The following ANO3 variants were observed in gnomAD, a reference collection of about 807,000 sequenced individuals.
ANO3 encodes anoctamin 3.
A neutral mutation model predicts 144.8 loss-of-function variants in ANO3; 99 were observed. That is an observed-to-expected ratio of 0.68 (90% confidence interval 0.58 to 0.81). The LOEUF is 0.81. Among genes scored for constraint, ANO3 ranks in the 30% least tolerant of loss-of-function variants. The probability of loss-of-function intolerance (pLI) is 0.00; values close to 1 mark genes in which losing one functional copy is unlikely to be tolerated. For missense variants in ANO3, 905 were observed against 1,202.2 expected, an observed-to-expected ratio of 0.75 and a Z score of 3.66; for synonymous variants, 414 against 392.6, an observed-to-expected ratio of 1.05 and a Z score of -0.64.
At chr11:26,568,558 TAA>T (rs959544378) in intron 14 of ANO3, among the ~76,000 whole-genome samples, 1 of 151,952 alleles carries the variant, frequency 6.6e-6, no homozygotes, top group Non-Finnish European at 1.5e-5. Context: ...ACTGATAATA[TAA>T]GTCTTTCTAT....
At chr11:26,462,349 G>T (rs1405190278) in intron 3 of ANO3, among the ~76,000 whole-genome samples, 2 of 151,682 alleles carry the variant, frequency 1.3e-5, no homozygotes, top group Non-Finnish European at 2.9e-5. Context: ...AAGAATTCTT[G>T]GTCATATAGA....
chr11:26,620,096 C>T (rs1294467017), intron 17 of ANO3, among the ~76,000 whole-genome samples: 2 of 152,170 alleles, frequency 1.3e-5, no homozygotes, highest in East Asian at 3.9e-4. Flanking sequence ...CCTAGGCCTA[C>T]CATTTTTCTT....
chr11:26,645,859 A>C (rs145865932), intron 23 of ANO3, among the ~76,000 whole-genome samples: 12 of 152,316 alleles, frequency 7.9e-5, no homozygotes, highest in African/African-American at 1.9e-4. Context: ...CAGAACCTAA[A>C]ATTAAATAAA....
intron 7 of ANO3, among the ~76,000 whole-genome samples, chr11:26,530,429 C>G (rs1044255583): frequency 2.0e-5 from 3 of 150,886 alleles, no homozygotes; most frequent in Non-Finnish European, 2.9e-5. Context: ...TAAAAAAAAG[C>G]AGGGATTAAT....
intron 23 of ANO3, among the ~76,000 whole-genome samples, chr11:26,644,702 A>T (rs1208355292): frequency 6.6e-6 from 1 of 152,080 alleles, no homozygotes; most frequent in East Asian, 1.9e-4. Flanking sequence ...TCTAACCGTG[A>T]GATTAAGTAT....
chr11:26,561,411 T>A (rs2134249747), intron 14 of ANO3, among the ~76,000 whole-genome samples: 1 of 152,146 alleles, frequency 6.6e-6, no homozygotes, highest in East Asian at 1.9e-4. Flanking sequence ...TTTATAAGAC[T>A]AAGAGTACAG....
intron 1 of ANO3, among the ~76,000 whole-genome samples, chr11:26,198,826 A>G (rs1851637628): frequency 6.6e-6 from 1 of 152,198 alleles, no homozygotes; most frequent in Non-Finnish European, 1.5e-5. Flanking sequence ...TTACTGGCTT[A>G]TCGTTGAGCC....
At chr11:26,483,737 G>T (rs533676510) in intron 4 of ANO3, among the ~76,000 whole-genome samples, 1 of 152,304 alleles carries the variant, frequency 6.6e-6, no homozygotes, top group Admixed American at 6.5e-5. Flanking sequence ...GTGGGGCATT[G>T]CTATAAATAT....
chr11:26,257,654 G>A (rs112283245), intron 1 of ANO3, among the ~76,000 whole-genome samples: 1,649 of 152,176 alleles, frequency 0.011, 30 homozygotes, highest in African/African-American at 0.038. Context: ...CTGATTGATA[G>A]ATCCCTCTCA....
At chr11:26,237,772 T>C (rs933244801) in intron 1 of ANO3, among the ~76,000 whole-genome samples, 1 of 152,118 alleles carries the variant, frequency 6.6e-6, no homozygotes, top group South Asian at 2.1e-4. Flanking sequence ...CCAAATTGTA[T>C]GTATCAAAAT....
intron 1 of ANO3, among the ~76,000 whole-genome samples, chr11:26,244,117 A>G (rs919829010): frequency 4.7e-5 from 5 of 107,410 alleles, no homozygotes; most frequent in Non-Finnish European, 9.4e-5. Flanking sequence ...ACTCTGTCTG[A>G]AAAAAAAAAA....
At chr11:26,216,604 A>G (rs1297713690) in intron 1 of ANO3, among the ~76,000 whole-genome samples, 1 of 152,040 alleles carries the variant, frequency 6.6e-6, no homozygotes, top group Non-Finnish European at 1.5e-5. Context: ...TTGTATGAAT[A>G]TAAGTTTAAA....
At chr11:26,612,158 G>A (rs940841833) in intron 17 of ANO3, among the ~76,000 whole-genome samples, 2 of 151,884 alleles carry the variant, frequency 1.3e-5, no homozygotes, top group Non-Finnish European at 2.9e-5. Context: ...ATGATTTCTT[G>A]GTTGTTTATA....
chr11:26,349,571 CAG>C (rs1436665553), intron 1 of ANO3, among the ~76,000 whole-genome samples: 1 of 151,960 alleles, frequency 6.6e-6, no homozygotes, highest in East Asian at 1.9e-4. Context: ...TTTTTTGAGA[CAG>C]AGTCTTGCTC....
At chr11:26,586,501 A>ATTTTTTTTTTTT (rs1281089936) in intron 14 of ANO3, among the ~76,000 whole-genome samples, 2 of 40,014 alleles carry the variant, frequency 5.0e-5, no homozygotes, top group African/African-American at 8.9e-5. Flanking sequence ...CCTGGTGAGA[A>ATTTTTTTTTTTT]TCTTTTTTTT....
chr11:26,366,637 C>G (rs1350291860), intron 1 of ANO3, among the ~76,000 whole-genome samples: 2 of 152,048 alleles, frequency 1.3e-5, no homozygotes, highest in Non-Finnish European at 2.9e-5. Flanking sequence ...TCTCCAGCAC[C>G]TGTTGTTTCC....
intron 4 of ANO3, among the ~76,000 whole-genome samples, chr11:26,507,512 A>T (rs957888330): frequency 6.6e-5 from 10 of 152,184 alleles, no homozygotes; most frequent in Non-Finnish European, 1.2e-4. Flanking sequence ...CCCAGAGCAA[A>T]CAACTTAGGG....
chr11:26,189,641 G>C (rs1851437693), intron 1 of ANO3, among the ~76,000 whole-genome samples: 1 of 152,104 alleles, frequency 6.6e-6, no homozygotes, highest in Admixed American at 6.6e-5. Flanking sequence ...GTTTTGTATG[G>C]CATGACCGAT....
intron 1 of ANO3, among the ~76,000 whole-genome samples, chr11:26,264,455 T>C (rs1245928812): frequency 6.6e-6 from 1 of 152,212 alleles, no homozygotes; most frequent in Non-Finnish European, 1.5e-5. Flanking sequence ...CCAGCTGCTC[T>C]GATTTATTTT....
Sources: allele counts gnomAD v4.1 joint callset (sites outside exome capture counted in the v4.1 genomes callset), GRCh38; gene constraint gnomAD v4.1.1; transcripts MANE v1.5; gene names NCBI Gene and HGNC (gene_info 2026-07-23, HGNC 2026-07-21).